B4GALT6: variants seen among roughly 807,000 people sequenced by gnomAD.
B4GALT6 encodes the protein beta-1,4-galactosyltransferase 6, also known as UDP-Gal:beta-GlcNAc beta-1,4-galactosyltransferase 6.
In B4GALT6, 14 loss-of-function variants were observed where a neutral mutation model predicts 46.3. That is an observed-to-expected ratio of 0.30 (90% CI 0.20 to 0.47). The LOEUF is 0.47. Among genes scored for constraint, B4GALT6 ranks in the 20% least tolerant of loss-of-function variants. The pLI, the probability that B4GALT6 is intolerant of heterozygous loss-of-function variation, is 0.99. For synonymous variants in B4GALT6, 168 were observed against 162.0 expected (o/e 1.04, Z -0.28); for missense variants, 386 against 480.1 (o/e 0.80, Z 1.83).
chr18:31,680,591 T>C (rs1185387525), intron 1 of B4GALT6, among the ~76,000 whole-genome samples: 3 of 152,144 alleles, frequency 2.0e-5, no homozygotes, highest in Admixed American at 2.0e-4. Flanking sequence ...TCAGTGTGTC[T>C]AGGAAAGGTC....
In B4GALT6 at chr18:31,666,304, G is replaced by T; in HGVS notation, c.184C>A (p.His62Asn). The T allele has an allele frequency of 6.2e-7, 1 of 1,610,166 alleles. No individual in the cohort carries two copies. Among genetic ancestry groups the T allele is most frequent in the South Asian group, 1.1e-5 (1 of 90,058 alleles). ...TTATTTGTGTACAGCCTGATCATAT[G>T]ACCTATTGTTTTCACATTTTCTCTC... Reference protein sequence around the residue: ...MLRENVKTIGHMIRLYTNKNS... With the variant: ...MLRENVKTIGNMIRLYTNKNS... Residue 62 changes from histidine (H) to asparagine (N), a missense_variant, in exon 2 of 9, where the codon CAT becomes AAT. His to Asn is a moderately conservative substitution (Grantham distance 68). Coordinates refer to ENST00000306851, the MANE Select transcript of B4GALT6 (RefSeq NM_004775.5).
the B4GALT6 span, among the ~76,000 whole-genome samples, chr18:31,699,636 GAAAAAAAAAAAA>G: frequency 9.6e-6 from 1 of 104,124 alleles, no homozygotes; most frequent in African/African-American, 3.6e-5. Flanking sequence ...TCTCTTCCTG[GAAAAAAAAAAAA>G]AAAAAAAAAA....
intron 1 of B4GALT6, among the ~76,000 whole-genome samples, chr18:31,683,720 G>C (rs1036061639): frequency 6.6e-6 from 1 of 152,066 alleles, no homozygotes; most frequent in African/African-American, 2.4e-5. Context: ...ACGTACCCTT[G>C]AAAATAACAC....
At chr18:31,650,141 C>T (rs2074046466) in intron 3 of B4GALT6, among the ~76,000 whole-genome samples, 1 of 152,200 alleles carries the variant, frequency 6.6e-6, no homozygotes, top group Non-Finnish European at 1.5e-5. Flanking sequence ...CTCTTCAATT[C>T]CATGAAGACT....
intron 1 of B4GALT6, among the ~76,000 whole-genome samples, chr18:31,678,532 A>G (rs16962319): frequency 0.013 from 1,915 of 152,346 alleles, 38 homozygotes; most frequent in African/African-American, 0.043. Context: ...GCACAGTAGA[A>G]TGAGTCAGGA....
chr18:31,662,713 C>A (rs1282054406), intron 2 of B4GALT6, among the ~76,000 whole-genome samples: 3 of 152,092 alleles, frequency 2.0e-5, no homozygotes, highest in Non-Finnish European at 4.4e-5. Context: ...TGGTGGCGGG[C>A]GCCTGTAGTC....
chr18:31,690,774 A>G (rs569705171), upstream of B4GALT6, among the ~76,000 whole-genome samples: 83 of 152,278 alleles, frequency 5.5e-4, no homozygotes, highest in African/African-American at 1.8e-3. Context: ...CCCAGCCCCC[A>G]GTCATTTAAT....
chr18:31,695,444 T>C, the B4GALT6 span, among the ~76,000 whole-genome samples: 2 of 151,898 alleles, frequency 1.3e-5, no homozygotes, highest in Non-Finnish European at 2.9e-5. Context: ...CAGAATTCTT[T>C]GTAGTGGAAC....
chr18:31,657,706 A>G (rs1047570875), intron 3 of B4GALT6, among the ~76,000 whole-genome samples: 2 of 152,216 alleles, frequency 1.3e-5, no homozygotes, highest in African/African-American at 4.8e-5. Context: ...GGTAAGCCGA[A>G]GTATTAGTTT....
intron 3 of B4GALT6, among the ~76,000 whole-genome samples, chr18:31,651,720 T>C (rs2074070265): frequency 6.6e-6 from 1 of 152,144 alleles, no homozygotes; most frequent in Non-Finnish European, 1.5e-5. Flanking sequence ...AACCTGGCTC[T>C]ATGGAGACCT....
intron 5 of B4GALT6, among the ~76,000 whole-genome samples, chr18:31,632,139 G>T (rs182991981): frequency 6.6e-6 from 1 of 152,166 alleles, no homozygotes; most frequent in East Asian, 1.9e-4. Context: ...TTAAAAAAAG[G>T]ATTACGATAG....
In B4GALT6 at chr18:31,658,052, A is replaced by G; in HGVS notation, c.270T>C (p.Val90=). ...PEGNNSSDYL[V]QTTTYLPENF... is the part of the protein sequence containing the mutation. ...TTTCCGGGAGATACGTTGTTGTTTG[A>G]ACAAGATAATCACTTGAATTATTGC... Residue 90 remains valine (V), a synonymous_variant, in exon 3 of 9, where the codon GTT becomes GTC. Coordinates refer to ENST00000306851, the MANE Select transcript of B4GALT6 (RefSeq NM_004775.5). 4 of 1,613,790 alleles carry G rather than the reference A, an allele frequency of 2.5e-6. No individual in the cohort carries two copies. The highest frequency in any genetic ancestry group is 3.4e-6 in the Non-Finnish European group (4 of 1,179,860).
intron 1 of B4GALT6, among the ~76,000 whole-genome samples, chr18:31,677,653 C>T (rs2074429096): frequency 6.6e-6 from 1 of 152,130 alleles, no homozygotes; most frequent in Non-Finnish European, 1.5e-5. Context: ...ATTATCCTGA[C>T]AAAAGGCAGA....
Position 31,684,523 on chromosome 18 carries a change from G to A in B4GALT6, c.-97C>T. On this transcript the variant is annotated 5_prime_UTR_variant, in exon 1 of 9. Coordinates refer to ENST00000306851, the MANE Select transcript of B4GALT6 (RefSeq NM_004775.5). ...CTTCCATAAATGTGCTGAGAACCCC[G>A]AGACTGCAGCGGGGTCCGCGCGGGG... 6.5e-7 allele frequency: 1 copy of A among 1,526,810 alleles called. No homozygotes were observed. The highest frequency in any genetic ancestry group is 1.4e-5 in the African/African-American group (1 of 72,604). 94.6% of individuals were successfully genotyped at this position (1,526,810 alleles called of 1,614,324 possible). A position where few individuals can be genotyped will look rare whatever the true frequency, so the allele number is the denominator to read the frequency against.
At chr18:31,652,257 T>A (rs965734999) in intron 3 of B4GALT6, among the ~76,000 whole-genome samples, 5 of 152,268 alleles carry the variant, frequency 3.3e-5, no homozygotes, top group East Asian at 3.9e-4. Flanking sequence ...AGAGTCTACT[T>A]TGCTTCTCTC....
chr18:31,716,592 T>C, the B4GALT6 span, among the ~76,000 whole-genome samples: 1 of 152,092 alleles, frequency 6.6e-6, no homozygotes, highest in Non-Finnish European at 1.5e-5. Context: ...AGAGAAACCA[T>C]AGACGTAGGT....
At chr18:31,687,543 A>G (rs1402688278), upstream of B4GALT6, among the ~76,000 whole-genome samples, 6 of 152,236 alleles carry the variant, frequency 3.9e-5, no homozygotes, top group East Asian at 7.7e-4. Context: ...TCAGGAGCCA[A>G]GTAAGCCCCA....
intron 1 of B4GALT6, among the ~76,000 whole-genome samples, chr18:31,682,263 C>T (rs952403563): frequency 6.6e-6 from 1 of 152,154 alleles, no homozygotes; most frequent in Admixed American, 6.5e-5. Flanking sequence ...TGGAAAACTG[C>T]TTCCCAATAC....
the B4GALT6 span, among the ~76,000 whole-genome samples, chr18:31,697,374 A>G: frequency 6.7e-6 from 1 of 148,632 alleles, no homozygotes; most frequent in Admixed American, 6.8e-5. Context: ...TAGAAATTTC[A>G]GACTTCTTTA....
Sources: allele counts gnomAD v4.1 joint callset (sites outside exome capture counted in the v4.1 genomes callset), GRCh38; gene constraint gnomAD v4.1.1; transcripts MANE v1.5; gene names NCBI Gene and HGNC (gene_info 2026-07-23, HGNC 2026-07-21).